RIMBP2: variants seen among roughly 807,000 people sequenced by gnomAD.
RIMBP2 encodes RIMS-binding protein 2.
In RIMBP2, 48 loss-of-function variants were observed where a neutral mutation model predicts 118.6. That is an observed-to-expected ratio of 0.40 (90% CI 0.32 to 0.51). RIMBP2 has a LOEUF of 0.51. Ranked by LOEUF, RIMBP2 falls within the 20% of genes least tolerant of loss-of-function variation. The pLI is 0.41. For missense variants in RIMBP2, 1,551 were observed against 1,768.3 expected, an observed-to-expected ratio of 0.88 and a Z score of 2.20; for synonymous variants, 762 against 742.9, an observed-to-expected ratio of 1.03 and a Z score of -0.42.
intron 6 of RIMBP2, among the ~76,000 whole-genome samples, chr12:130,460,797 G>A (rs1480126962): frequency 6.6e-6 from 1 of 152,120 alleles, no homozygotes; most frequent in Non-Finnish European, 1.5e-5. Context: ...CATCCACCGC[G>A]TTCTGAGGGG....
chr12:130,609,504 G>A (rs1323171746), intron 2 of RIMBP2, among the ~76,000 whole-genome samples: 1 of 150,008 alleles, frequency 6.7e-6, no homozygotes, highest in African/African-American at 2.5e-5. Flanking sequence ...CGGGGGTCAG[G>A]AAATGTTGGG....
At chr12:130,439,218 G>GTGT (rs1244218051) in intron 11 of RIMBP2, among the ~76,000 whole-genome samples, 1 of 151,926 alleles carries the variant, frequency 6.6e-6, no homozygotes, top group African/African-American at 2.4e-5. Context: ...ATATGTGGAT[G>GTGT]TGTTTGTGTG....
chr12:130,673,084 G>A (rs533831427), intron 1 of RIMBP2, among the ~76,000 whole-genome samples: 1 of 152,214 alleles, frequency 6.6e-6, no homozygotes, highest in Non-Finnish European at 1.5e-5. Flanking sequence ...CCCACTCGAG[G>A]ATGGAAGAAT....
Position 130,411,947 on chromosome 12 carries a change from A to C in RIMBP2, c.3589+672T>G, listed in dbSNP as rs77039299. On this transcript the variant is annotated intron_variant, in intron 19 of 22. Coordinates refer to ENST00000690449, the MANE Select transcript of RIMBP2 (RefSeq NM_001393629.1). ...CAAGTTTTGAAGTATTAAACCTTAA[A>C]TATGAATGATATAAAACTGATATCT... is the stretch of plus-strand genomic sequence containing the variant. Among the ~76,000 whole-genome samples, 212 of 152,304 alleles carry C rather than the reference A, an allele frequency of 1.4e-3. 1 individual carries two copies. The highest frequency in any genetic ancestry group is 4.9e-3 in the African/African-American group (202 of 41,562).
At chr12:130,545,420 C>T (rs1386418704) in intron 2 of RIMBP2, among the ~76,000 whole-genome samples, 2 of 152,016 alleles carry the variant, frequency 1.3e-5, no homozygotes, top group African/African-American at 4.8e-5. Flanking sequence ...TAAATTATAA[C>T]ATTATAAAAT....
Position 130,407,805 on chromosome 12 carries a change from C to T in RIMBP2, c.3614G>A (p.Arg1205His), listed in dbSNP as rs150099064. ...KIERSRRSGR[R>H]HSVSTRRMVA... Reference sequence around the variant, plus strand: ...CATTCTCCGCGTCGATACCGAATGACGCCTGCCACTTCTCCTGCTTCTCTC... The same window carrying T: ...CATTCTCCGCGTCGATACCGAATGATGCCTGCCACTTCTCCTGCTTCTCTC... Residue 1205 changes from arginine to histidine, a missense_variant, in exon 20 of 23, where the codon CGT (arginine) becomes CAT (histidine). Transcript: ENST00000690449. 33 of 1,613,942 alleles carry T rather than the reference C, an allele frequency of 2.0e-5. 1 individual carries two copies. The East Asian group carries it at 4.7e-4, about 23-fold the overall frequency.
At position 130,706,514 on chromosome 12, in the gene RIMBP2, G is replaced by A. The variant is rs549055944; in HGVS notation, c.-352+9708C>T. Among the ~76,000 whole-genome samples, 574 of 152,366 alleles carry A rather than the reference G, an allele frequency of 3.8e-3. 5 individuals carry two copies. The highest frequency in any genetic ancestry group is 0.013 in the African/African-American group (538 of 41,582). ...GGCTGCTTCCGAGGGACACGTTCAC[G>A]GAGCAGCTCCCCGCACAGATGCTGT... On this transcript the variant is annotated intron_variant, in intron 1 of 22. Coordinates refer to ENST00000690449, the MANE Select transcript of RIMBP2 (RefSeq NM_001393629.1).
At chr12:130,574,549 T>C (rs757261994) in intron 2 of RIMBP2, among the ~76,000 whole-genome samples, 1 of 152,182 alleles carries the variant, frequency 6.6e-6, no homozygotes, top group Non-Finnish European at 1.5e-5. Flanking sequence ...GTGAGAGACA[T>C]GGAGATGCAT....
chr12:130,612,358 A>T (rs1203837851), intron 2 of RIMBP2, among the ~76,000 whole-genome samples: 1 of 152,096 alleles, frequency 6.6e-6, no homozygotes, highest in African/African-American at 2.4e-5. Flanking sequence ...TCTCTCATGT[A>T]TGAATATTTA....
At chr12:130,697,295 G>A (rs1593026780) in intron 1 of RIMBP2, among the ~76,000 whole-genome samples, 1 of 152,242 alleles carries the variant, frequency 6.6e-6, no homozygotes, top group East Asian at 1.9e-4. Flanking sequence ...GTGAAGGCGG[G>A]AGAACTGGTT....
rs569333631 is a variant in RIMBP2 at position 130,622,885 on chromosome 12, T to A, written c.-217+5437A>T. Among the ~76,000 whole-genome samples, 11 of 152,322 alleles carry A rather than the reference T, an allele frequency of 7.2e-5. No individual in the cohort carries two copies. In the East Asian group the frequency reaches 1.9e-3, roughly 27 times the overall value. On this transcript the variant is annotated intron_variant, in intron 2 of 22. Transcript: ENST00000690449. The surrounding 1 kb of genome is among the most constrained non-coding windows in gnomAD (Gnocchi z 8.5). ...ATGTAACCTCTGTTCCCAGAGCTCA[T>A]GGCATCGAGTAAACAGTTCTTGCCT...
chr12:130,708,692 A>G (rs1194214787), intron 1 of RIMBP2, among the ~76,000 whole-genome samples: 1 of 152,146 alleles, frequency 6.6e-6, no homozygotes, highest in African/African-American at 2.4e-5. Context: ...TCTCAAAAAA[A>G]CAAATTAGTG....
chr12:130,561,014 T>C (rs1162907626), intron 2 of RIMBP2, among the ~76,000 whole-genome samples: 1 of 152,056 alleles, frequency 6.6e-6, no homozygotes, highest in Non-Finnish European at 1.5e-5. Context: ...AAGAGGGAAA[T>C]GTGAGCACAC....
intron 1 of RIMBP2, among the ~76,000 whole-genome samples, chr12:130,649,592 T>C (rs2063140183): frequency 6.6e-6 from 1 of 152,174 alleles, no homozygotes; most frequent in Non-Finnish European, 1.5e-5. Flanking sequence ...TAGCAGACTC[T>C]TCCTTGGAGA....
In RIMBP2 at chr12:130,469,842, A is replaced by G. The variant is rs2080845798; in HGVS notation, c.153+851T>C. ...GCCACCCCAGGGCAGATCCCCTCCG[A>G]GGTAAATCTCTCCTTGAGGGGGTGG... On this transcript the variant is annotated intron_variant, in intron 6 of 22. Transcript: ENST00000690449. This position sits in a 1 kb window ranked among gnomAD's most constrained non-coding sequence, Gnocchi z 4.8. 6.6e-6 allele frequency among the ~76,000 whole-genome samples: 1 copy of G among 152,152 alleles called. No individual in the cohort carries two copies. Among genetic ancestry groups the G allele is most frequent in the Non-Finnish European group, 1.5e-5 (1 of 68,018 alleles).
At chr12:130,449,409 C>T (rs1377041127) in intron 9 of RIMBP2, among the ~76,000 whole-genome samples, 2 of 152,272 alleles carry the variant, frequency 1.3e-5, no homozygotes, top group Non-Finnish European at 2.9e-5. Flanking sequence ...TGGCTCATTA[C>T]CTCTCAGCGA....
intron 2 of RIMBP2, among the ~76,000 whole-genome samples, chr12:130,538,319 G>A (rs540930241): frequency 8.2e-4 from 112 of 137,190 alleles, no homozygotes; most frequent in Non-Finnish European, 1.2e-3. Flanking sequence ...AAAATTTGGC[G>A]ATCTTGGGTC....
intron 2 of RIMBP2, among the ~76,000 whole-genome samples, chr12:130,600,453 G>A (rs1326978232): frequency 6.6e-6 from 1 of 151,884 alleles, no homozygotes; most frequent in East Asian, 1.9e-4. Context: ...GGCCCCAACA[G>A]AACCTCCCCC....
At chr12:130,611,719 T>G (rs2060566563) in intron 2 of RIMBP2, among the ~76,000 whole-genome samples, 2 of 152,106 alleles carry the variant, frequency 1.3e-5, no homozygotes, top group African/African-American at 2.4e-5. Flanking sequence ...TGCGGAGTCT[T>G]GGATTCTGGT....
Sources: allele counts gnomAD v4.1 joint callset (sites outside exome capture counted in the v4.1 genomes callset), GRCh38; gene constraint gnomAD v4.1.1; non-coding constraint Gnocchi (gnomAD v3.1); transcripts MANE v1.5; gene names NCBI Gene and HGNC (gene_info 2026-07-23, HGNC 2026-07-21).